IGSF11: variants seen among roughly 807,000 people sequenced by gnomAD.
IGSF11 encodes CXADR like 1.
Under a neutral mutation model 41.0 loss-of-function variants are expected in IGSF11, and 22 were observed. That is an observed-to-expected ratio of 0.54 (90% CI 0.38 to 0.77). IGSF11 has a LOEUF of 0.77. Ranked by LOEUF, IGSF11 falls within the 30% of genes least tolerant of loss-of-function variation. The pLI is 0.00. For synonymous variants in IGSF11, 219 were observed against 201.3 expected (o/e 1.09, Z -0.74); for missense variants, 444 against 530.8 (o/e 0.84, Z 1.61).
At chr3:119,125,164 G>A (rs1012570949) in intron 1 of IGSF11, among the ~76,000 whole-genome samples, 5 of 152,224 alleles carry the variant, frequency 3.3e-5, no homozygotes, top group Admixed American at 1.3e-4. Context: ...ATTCTAATGG[G>A]AGTACTTCAG....
chr3:118,903,763 GT>G (rs1265614749), intron 6 of IGSF11, among the ~76,000 whole-genome samples: 1 of 152,182 alleles, frequency 6.6e-6, no homozygotes, highest in Admixed American at 6.5e-5. Flanking sequence ...GAAACCTATA[GT>G]CAATGAGGGT....
At chr3:118,959,863 T>C (rs1006699186) in intron 1 of IGSF11, among the ~76,000 whole-genome samples, 1 of 151,424 alleles carries the variant, frequency 6.6e-6, no homozygotes, top group African/African-American at 2.4e-5. Context: ...CTGGCTAAAA[T>C]GGTGAAACCC....
intron 1 of IGSF11, among the ~76,000 whole-genome samples, chr3:119,114,241 G>C (rs556195968): frequency 6.6e-6 from 1 of 152,156 alleles, no homozygotes; most frequent in African/African-American, 2.4e-5. Flanking sequence ...GCTTGAATTC[G>C]TCCCCAGAAA....
intron 1 of IGSF11, among the ~76,000 whole-genome samples, chr3:119,137,927 CAT>C (rs2077584294): frequency 1.3e-5 from 2 of 151,858 alleles, no homozygotes; most frequent in African/African-American, 4.8e-5. Context: ...CAAAAGAAGA[CAT>C]ACAAATGGCA....
intron 1 of IGSF11, among the ~76,000 whole-genome samples, chr3:118,962,889 A>C (rs1945436745): frequency 6.6e-6 from 1 of 152,174 alleles, no homozygotes; most frequent in African/African-American, 2.4e-5. Context: ...ATAAAAAGCT[A>C]TAAACATCAA....
In IGSF11 at chr3:118,902,615, T is replaced by C; in HGVS notation, c.1201A>G (p.Thr401Ala). 6.2e-7 allele frequency: 1 copy of C among 1,613,916 alleles called. No homozygotes were observed. The highest frequency in any genetic ancestry group is 1.3e-5 in the African/African-American group (1 of 74,968). Residue 401 changes from threonine (T) to alanine (A), a missense_variant, in exon 7 of 7, where the codon ACT (threonine) becomes GCT (alanine). Transcript: ENST00000393775. Reference sequence around the variant, plus strand: ...GCGTGGCTGATGGTGTAGGAATGAGTGTGTGGAGGCCGAGGCTTCCTACTG... The same window carrying C: ...GCGTGGCTGATGGTGTAGGAATGAGCGTGTGGAGGCCGAGGCTTCCTACTG... ...SVSRKPRPPH[T>A]HSYTISHATL... is the part of the protein sequence containing the mutation.
intron 1 of IGSF11, among the ~76,000 whole-genome samples, chr3:119,012,257 C>A (rs1938218602): frequency 1.3e-5 from 2 of 152,128 alleles, no homozygotes; most frequent in African/African-American, 4.8e-5. Flanking sequence ...AGTGATTAGT[C>A]TCTCAAGGCA....
chr3:119,113,700 T>TG (rs760148618), intron 1 of IGSF11, among the ~76,000 whole-genome samples: 1 of 152,180 alleles, frequency 6.6e-6, no homozygotes, highest in Non-Finnish European at 1.5e-5. Flanking sequence ...GTGTGGAGGA[T>TG]GGTGACCCTC....
At chr3:118,925,996 AGTT>A in intron 4 of IGSF11, 102 bp downstream of exon 4, 1 of 761,138 alleles carries the variant, frequency 1.3e-6, no homozygotes, top group Non-Finnish European at 1.9e-6. Context: ...CTTTTTCAGC[AGTT>A]ATAGGGTGTT....
chr3:119,022,532 T>A (rs1166393493), intron 1 of IGSF11, among the ~76,000 whole-genome samples: 2 of 152,220 alleles, frequency 1.3e-5, no homozygotes, highest in African/African-American at 2.4e-5. Context: ...TATATCTCAA[T>A]AAAGTTGTTT....
Position 118,953,882 on chromosome 3 carries a change from C to T in IGSF11, c.53-23607G>A, listed in dbSNP as rs1055564826. Among the ~76,000 whole-genome samples the T allele has an allele frequency of 3.3e-5, 5 of 152,236 alleles. 1 individual carries two copies. Among genetic ancestry groups the T allele is most frequent in the East Asian group, 1.9e-4 (1 of 5,180 alleles). ...TTTACTCCGCTGATGGTTTCTTTTGCTGTGCAGAAGCTTTTTAGTTTAATT... is the reference window on the plus strand; with the variant it reads ...TTTACTCCGCTGATGGTTTCTTTTGTTGTGCAGAAGCTTTTTAGTTTAATT... On this transcript the variant is annotated intron_variant, in intron 1 of 6. Transcript: ENST00000393775.
At chr3:119,075,765 T>A (rs1225329683) in intron 1 of IGSF11, among the ~76,000 whole-genome samples, 1 of 152,186 alleles carries the variant, frequency 6.6e-6, no homozygotes, top group Admixed American at 6.5e-5. Context: ...AAGCTTTTTA[T>A]AAAATTCAAT....
chr3:119,071,190 G>C (rs954947257), intron 1 of IGSF11, among the ~76,000 whole-genome samples: 1 of 152,180 alleles, frequency 6.6e-6, no homozygotes, highest in African/African-American at 2.4e-5. Flanking sequence ...GCAAGACCAG[G>C]AAGAGATAAG....
chr3:118,924,905 A>G (rs2107523741), intron 4 of IGSF11, among the ~76,000 whole-genome samples: 1 of 152,292 alleles, frequency 6.6e-6, no homozygotes, highest in African/African-American at 2.4e-5. Context: ...AAAATCTAAA[A>G]TTTGAATATA....
chr3:119,017,931 C>A (rs1481402388), intron 1 of IGSF11, among the ~76,000 whole-genome samples: 1 of 151,546 alleles, frequency 6.6e-6, no homozygotes, highest in Admixed American at 6.6e-5. Context: ...TACAGGTATG[C>A]GCCACCATGC....
intron 1 of IGSF11, among the ~76,000 whole-genome samples, chr3:119,085,093 C>T (rs1047618155): frequency 6.6e-6 from 1 of 152,180 alleles, no homozygotes; most frequent in African/African-American, 2.4e-5. Flanking sequence ...AAATTGTGGG[C>T]ACATTGCCAA....
intron 1 of IGSF11, among the ~76,000 whole-genome samples, chr3:119,091,960 A>G (rs2076767664): frequency 7.0e-6 from 1 of 143,074 alleles, no homozygotes; most frequent in African/African-American, 2.6e-5. Flanking sequence ...TAACTATACA[A>G]TGTGTGTTTT....
chr3:119,085,057 G>A (rs923296401), intron 1 of IGSF11, among the ~76,000 whole-genome samples: 2 of 152,158 alleles, frequency 1.3e-5, no homozygotes, highest in Non-Finnish European at 2.9e-5. Flanking sequence ...GAGCCTCAAC[G>A]CCCAAAAGAC....
chr3:118,959,097 G>C (rs560344461), intron 1 of IGSF11, among the ~76,000 whole-genome samples: 2 of 152,228 alleles, frequency 1.3e-5, no homozygotes, highest in Admixed American at 1.3e-4. Flanking sequence ...CATCATATTA[G>C]ATGTTAAAGC....
Sources: gnomAD v4.1 joint callset for allele counts (sites outside exome capture counted in the v4.1 genomes callset) on GRCh38, gnomAD v4.1.1 for gene constraint, MANE v1.5 for transcripts, NCBI Gene and HGNC (gene_info 2026-07-23, HGNC 2026-07-21) for gene names.